CLEC16A: variants seen among roughly 807,000 people sequenced by gnomAD.
The protein encoded by CLEC16A is C-type lectin domain containing 16A.
CLEC16A carries 51 observed loss-of-function variants against 109.5 expected under a neutral mutation model. The ratio of observed to expected loss-of-function variants is 0.47; its 90% CI spans 0.37 to 0.59. The LOEUF (loss-of-function observed/expected upper bound fraction) is 0.59. Ranked by LOEUF, CLEC16A falls within the 20% of genes least tolerant of loss-of-function variation. The probability of loss-of-function intolerance (pLI) is 0.00; values close to 1 mark genes in which losing one functional copy is unlikely to be tolerated. For synonymous variants in CLEC16A, 673 were observed against 564.2 expected, an observed-to-expected ratio of 1.19 and a Z score of -2.73; for missense variants, 1,339 against 1,394.0, an observed-to-expected ratio of 0.96 and a Z score of 0.63.
At chr16:11,097,723 T>C (rs1219265070) in intron 19 of CLEC16A, among the ~76,000 whole-genome samples, 2 of 152,224 alleles carry the variant, frequency 1.3e-5, no homozygotes, top group African/African-American at 4.8e-5. Context: ...ACGTCTGTTT[T>C]ATGAATGGCC....
chr16:11,140,170 G>A (rs565876428), intron 22 of CLEC16A, among the ~76,000 whole-genome samples: 19 of 152,226 alleles, frequency 1.2e-4, no homozygotes, highest in South Asian at 8.3e-4. Flanking sequence ...GGTAACCTAC[G>A]TGCCCCTTTG....
intron 13 of CLEC16A, among the ~76,000 whole-genome samples, chr16:11,032,923 G>A (rs1369389264): frequency 4.6e-5 from 7 of 152,218 alleles, no homozygotes; most frequent in African/African-American, 1.7e-4. Context: ...AAGTAGGACA[G>A]TGATGTGGTC....
chr16:10,985,991 A>C (rs1407998431), intron 10 of CLEC16A, among the ~76,000 whole-genome samples: 6 of 137,964 alleles, frequency 4.3e-5, no homozygotes, highest in African/African-American at 1.7e-4. Flanking sequence ...CAAGTGTGAG[A>C]CACTGCACCT....
intron 19 of CLEC16A, among the ~76,000 whole-genome samples, chr16:11,088,442 T>G (rs2050127506): frequency 6.6e-6 from 1 of 152,218 alleles, no homozygotes; most frequent in African/African-American, 2.4e-5. Flanking sequence ...CAGCTGGGTG[T>G]GGGTGAAAGC....
At chr16:11,073,204 C>T (rs748096071) in intron 19 of CLEC16A, among the ~76,000 whole-genome samples, 21 of 152,148 alleles carry the variant, frequency 1.4e-4, no homozygotes, top group Non-Finnish European at 2.4e-4. Flanking sequence ...CTGTTCTCTG[C>T]CCCCACCCCC....
chr16:11,110,367 G>A (rs1458041331), intron 19 of CLEC16A, among the ~76,000 whole-genome samples: 1 of 152,176 alleles, frequency 6.6e-6, no homozygotes, highest in African/African-American at 2.4e-5. Context: ...GGGGATTAGG[G>A]AAATGTAGAG....
intron 22 of CLEC16A, among the ~76,000 whole-genome samples, chr16:11,158,620 G>A (rs1208019505): frequency 6.6e-6 from 1 of 152,110 alleles, no homozygotes; most frequent in Non-Finnish European, 1.5e-5. Flanking sequence ...AGACACCCTG[G>A]GGTTAAAAAC....
intron 10 of CLEC16A, among the ~76,000 whole-genome samples, chr16:10,984,964 G>T (rs542494438): frequency 1.3e-5 from 2 of 152,154 alleles, no homozygotes; most frequent in Non-Finnish European, 2.9e-5. Context: ...CACTTTGGGA[G>T]GCCGAGGCGG....
intron 18 of CLEC16A, 44 bp downstream of exon 18, chr16:11,051,685 C>T (rs201927688): frequency 2.2e-5 from 36 of 1,604,114 alleles, no homozygotes; most frequent in Non-Finnish European, 3.1e-5. Context: ...CACTGTTCTC[C>T]AGAACCACTC....
At chr16:11,132,692 G>T (rs80277013) in intron 22 of CLEC16A, among the ~76,000 whole-genome samples, 2 of 152,182 alleles carry the variant, frequency 1.3e-5, no homozygotes, top group Non-Finnish European at 2.9e-5. Flanking sequence ...TGTATTCCTT[G>T]TTCTCTGACA....
At chr16:11,096,113 G>T (rs536178783) in intron 19 of CLEC16A, among the ~76,000 whole-genome samples, 5 of 152,106 alleles carry the variant, frequency 3.3e-5, no homozygotes, top group African/African-American at 1.2e-4. Flanking sequence ...GGCGAGGGTT[G>T]TGGGGGATCA....
intron 10 of CLEC16A, among the ~76,000 whole-genome samples, chr16:10,991,881 A>C (rs2044038889): frequency 6.6e-6 from 1 of 152,224 alleles, no homozygotes. Context: ...CTTTCTGGGC[A>C]TTCCAGCAGA....
Position 10,944,601 on chromosome 16 carries a change from G to A in CLEC16A, c.-117G>A. The A allele has an allele frequency of 1.0e-6, 1 of 994,744 alleles. No individual in the cohort carries two copies. Among genetic ancestry groups the A allele is most frequent in the Non-Finnish European group, 1.5e-6 (1 of 676,116 alleles). The allele number at this position is 994,744 out of a possible 1,614,324, so 61.6% of individuals were successfully genotyped here. A position where few individuals can be genotyped will look rare whatever the true frequency, so the allele number is the denominator to read the frequency against. On this transcript the variant is annotated 5_prime_UTR_variant, in exon 1 of 24. Transcript: ENST00000409790. Reference sequence around the variant, plus strand: ...TGGGCCGGGGAGGAAGGCGGCTCGCGGTTCCTCCACCGCCTCCGCCGCCGC... The same window carrying A: ...TGGGCCGGGGAGGAAGGCGGCTCGCAGTTCCTCCACCGCCTCCGCCGCCGC...
intron 19 of CLEC16A, among the ~76,000 whole-genome samples, chr16:11,076,862 C>A (rs1277978432): frequency 2.6e-5 from 4 of 152,208 alleles, no homozygotes; most frequent in Admixed American, 2.0e-4. Context: ...CCAGGGCCTG[C>A]TGGGGAGATC....
At chr16:11,092,361 AACACACACACACACACACACACACAC>A (rs3030566) in intron 19 of CLEC16A, among the ~76,000 whole-genome samples, 2 of 132,436 alleles carry the variant, frequency 1.5e-5, no homozygotes, top group Non-Finnish European at 3.2e-5. Context: ...AACAAAAACA[AACACACACACACACACACACACACAC>A]ACACACACAC....
Position 11,047,274 on chromosome 16 carries a change from CCCTTCCTTT to C in CLEC16A, c.1816-16_1816-8del, listed in dbSNP as rs745572040. The C allele has an allele frequency of 2.5e-6, 4 of 1,602,540 alleles. No individual in the cohort carries two copies. In the South Asian group the frequency reaches 4.5e-5, roughly 18 times the overall value. ...AAATATGAATAATCTCCTCTTCCCT[CCCTTCCTTT>C]CTTTTTAGGGAGAAGACATTTTTTT... On this transcript the variant is annotated splice_polypyrimidine_tract_variant and intron_variant, in intron 16 of 23. Transcript: ENST00000409790.
At chr16:11,163,775 G>A (rs942791549) in intron 22 of CLEC16A, among the ~76,000 whole-genome samples, 2 of 152,180 alleles carry the variant, frequency 1.3e-5, no homozygotes, top group South Asian at 4.1e-4. Context: ...TCCAGCCGGG[G>A]TCATTGTCGG....
chr16:11,160,808 G>C lies in CLEC16A; in HGVS notation c.2642-5580G>C, dbSNP rs572550074. Among the ~76,000 whole-genome samples the C allele has an allele frequency of 3.3e-5, 5 of 152,296 alleles. No homozygotes were observed. In the East Asian group the frequency reaches 7.7e-4, roughly 23 times the overall value. On this transcript the variant is annotated intron_variant, in intron 22 of 23. Transcript: ENST00000409790. ...CAAACTCCTTCCTTTTCAGTGCTCT[G>C]CTGTCCCTAATGTGTGATTCATCCT...
At chr16:11,042,946 ATAT>A (rs1030258549) in intron 15 of CLEC16A, among the ~76,000 whole-genome samples, 10 of 150,674 alleles carry the variant, frequency 6.6e-5, no homozygotes, top group Admixed American at 2.0e-4. Context: ...CAATATGTAA[ATAT>A]TATACACTAC....
Sources: allele counts gnomAD v4.1 joint callset (sites outside exome capture counted in the v4.1 genomes callset), GRCh38; gene constraint gnomAD v4.1.1; transcripts MANE v1.5; gene names NCBI Gene and HGNC (gene_info 2026-07-23, HGNC 2026-07-21).